The following SYNE2 variants were observed in gnomAD, a reference collection of about 807,000 sequenced individuals.
SYNE2 encodes nesprin-2.
SYNE2 carries 431 observed loss-of-function variants against 856.3 expected under a neutral mutation model. The observed-to-expected ratio is 0.50, with a 90% confidence interval of 0.47 to 0.55. SYNE2 has a LOEUF of 0.55. Among genes scored for constraint, SYNE2 ranks in the 20% least tolerant of loss-of-function variants. The pLI, the probability that SYNE2 is intolerant of heterozygous loss-of-function variation, is 0.00. For synonymous variants in SYNE2, 2,923 were observed against 2,872.3 expected (o/e 1.02, Z -0.56); for missense variants, 8,129 against 8,023.2 (o/e 1.01, Z -0.50).
At chr14:63,906,042 T>C (rs948123326) in intron 1 of SYNE2, among the ~76,000 whole-genome samples, 1 of 152,228 alleles carries the variant, frequency 6.6e-6, no homozygotes, top group Non-Finnish European at 1.5e-5. Flanking sequence ...AAAAAGTTTT[T>C]CTGTGTCTAT....
chr14:63,770,764 T>C (rs1386946420), intron 1 of SYNE2, among the ~76,000 whole-genome samples: 1 of 152,104 alleles, frequency 6.6e-6, no homozygotes, highest in Non-Finnish European at 1.5e-5. Context: ...CACTCCAGCC[T>C]GGGTGACAGA....
At chr14:64,190,986 A>G in intron 99 of SYNE2, 1 of 702,030 alleles carries the variant, frequency 1.4e-6, no homozygotes, top group Non-Finnish European at 2.6e-6. Context: ...CCTTGGGACC[A>G]CTTGTGCAGC....
chr14:64,195,845 A>C (rs376484851), intron 99 of SYNE2, among the ~76,000 whole-genome samples: 7 of 152,078 alleles, frequency 4.6e-5, no homozygotes, highest in African/African-American at 1.7e-4. Context: ...GTGGGACTGG[A>C]AGGATTTAGG....
intron 100 of SYNE2, among the ~76,000 whole-genome samples, chr14:64,203,298 G>A (rs936873376): frequency 5.3e-5 from 8 of 152,176 alleles, no homozygotes; most frequent in Admixed American, 2.0e-4. Flanking sequence ...TGAATTGAAA[G>A]AAAAGCAACT....
chr14:64,174,769 A>C (rs1163537760), intron 94 of SYNE2, among the ~76,000 whole-genome samples, 175 bp from the exon 95 acceptor site: 1 of 152,210 alleles, frequency 6.6e-6, no homozygotes, highest in Non-Finnish European at 1.5e-5. Flanking sequence ...TTATCTACTC[A>C]GTGTAAAACA....
chr14:63,929,120 C>T (rs116769965), intron 2 of SYNE2, among the ~76,000 whole-genome samples: 2,901 of 152,104 alleles, frequency 0.019, 93 homozygotes, highest in African/African-American at 0.066. Context: ...CTAATGAGGC[C>T]ACTCTTGATG....
rs112652816 is a variant in SYNE2, at chr14:64,054,697, C to T, written c.9744+1040C>T. On this transcript the variant is annotated intron_variant, in intron 48 of 115. Transcript: ENST00000555002. Reference sequence around the variant, plus strand: ...TTTCCTCACCTCTGTTGGAAAGTGACGCCAACACACTCCCTTCCCTTCCTT... The same window carrying T: ...TTTCCTCACCTCTGTTGGAAAGTGATGCCAACACACTCCCTTCCCTTCCTT... Among the ~76,000 whole-genome samples the T allele has an allele frequency of 6.2e-3, 944 of 152,272 alleles. 8 individuals carry two copies. The highest frequency in any genetic ancestry group is 0.021 in the African/African-American group (883 of 41,548).
At chr14:64,063,365 GC>G (rs1269845272) in intron 50 of SYNE2, among the ~76,000 whole-genome samples, 1 of 152,148 alleles carries the variant, frequency 6.6e-6, no homozygotes, top group Admixed American at 6.5e-5. Flanking sequence ...ATATATTGAA[GC>G]TTAAAAAGCC....
At chr14:64,145,933 T>G in intron 83 of SYNE2, 135 bp from the exon 84 acceptor site, 1 of 575,472 alleles carries the variant, frequency 1.7e-6, no homozygotes. Context: ...TATTCAAAAG[T>G]TATCAGAGCA....
At position 63,919,888 on chromosome 14, in the gene SYNE2, G is replaced by A. The variant is rs535376837; in HGVS notation, c.79+10661G>A. Among the ~76,000 whole-genome samples the A allele has an allele frequency of 4.0e-5, 6 of 151,712 alleles. No individual in the cohort carries two copies. The South Asian group carries it at 1.0e-3, about 26-fold the overall frequency. ...TGCATTGAGGAGAGAATAGGAGAACGAGGAAGTGGAGAGAGTCACTTGATT... is the reference window on the plus strand; with the variant it reads ...TGCATTGAGGAGAGAATAGGAGAACAAGGAAGTGGAGAGAGTCACTTGATT... On this transcript the variant is annotated intron_variant, in intron 2 of 115. Coordinates refer to ENST00000555002, the MANE Select transcript of SYNE2 (RefSeq NM_182914.3).
chr14:63,930,827 C>T (rs1338886791), intron 2 of SYNE2, among the ~76,000 whole-genome samples: 1 of 152,202 alleles, frequency 6.6e-6, no homozygotes, highest in African/African-American at 2.4e-5. Context: ...TGAGCCACCA[C>T]ACCATATAAT....
At chr14:63,826,642 T>G (rs774521976) in intron 1 of SYNE2, among the ~76,000 whole-genome samples, 2 of 152,064 alleles carry the variant, frequency 1.3e-5, no homozygotes, top group Non-Finnish European at 2.9e-5. Flanking sequence ...CAACATGATA[T>G]CCACATGCGC....
chr14:64,158,565 G>A (rs2098304246), intron 85 of SYNE2, 60 bp from the exon 86 acceptor site: 2 of 1,571,060 alleles, frequency 1.3e-6, no homozygotes, highest in Admixed American at 1.7e-5. Context: ...TGGTAGATCT[G>A]TTGGAGAGCA....
intron 1 of SYNE2, among the ~76,000 whole-genome samples, chr14:63,783,368 G>T (rs533350286): frequency 6.6e-6 from 1 of 151,984 alleles, no homozygotes; most frequent in South Asian, 2.1e-4. Context: ...ACCCAGTCTC[G>T]GGCACTTCTT....
In SYNE2 at chr14:64,149,037, G is replaced by A. The variant is rs2098215759; in HGVS notation, c.15639+2814G>A. On this transcript the variant is annotated intron_variant, in intron 84 of 115. Transcript: ENST00000555002. ...AAGAACTAAAATGAGGCCAGGTGCA[G>A]TTGCTCACACCTGTAATCCCAGAAA... Among the ~76,000 whole-genome samples, 3 of 148,702 alleles carry A rather than the reference G, an allele frequency of 2.0e-5. No individual in the cohort carries two copies. The Admixed American group carries it at 2.0e-4, about 10-fold the overall frequency.
At chr14:64,018,986 G>T (rs2096915933) in intron 34 of SYNE2, among the ~76,000 whole-genome samples, 1 of 152,090 alleles carries the variant, frequency 6.6e-6, no homozygotes, top group African/African-American at 2.4e-5. Context: ...TAAATTTGTT[G>T]TCAGCTGAGT....
At chr14:63,869,850 TCTC>T (rs1896439050) in intron 1 of SYNE2, among the ~76,000 whole-genome samples, 1 of 152,004 alleles carries the variant, frequency 6.6e-6, no homozygotes, top group Non-Finnish European at 1.5e-5. Flanking sequence ...TCCCATACCT[TCTC>T]CTCCTGTATT....
intron 84 of SYNE2, among the ~76,000 whole-genome samples, chr14:64,150,011 T>TC (rs1168428946): frequency 1.9e-3 from 127 of 67,686 alleles, no homozygotes; most frequent in East Asian, 0.011. Context: ...TCTTTTCTTT[T>TC]TTTTTTTTTT....
intron 59 of SYNE2, 79 bp downstream of exon 59, chr14:64,089,775 A>T (rs1022422698): frequency 3.4e-5 from 43 of 1,262,090 alleles, no homozygotes; most frequent in Non-Finnish European, 4.0e-5. Context: ...AATGTGATTT[A>T]AAAAAGCATT....
Sources: allele counts gnomAD v4.1 joint callset (sites outside exome capture counted in the v4.1 genomes callset), GRCh38; gene constraint gnomAD v4.1.1; transcripts MANE v1.5; gene names NCBI Gene and HGNC (gene_info 2026-07-23, HGNC 2026-07-21).